The following C12orf76 variants were observed in gnomAD, a reference collection of about 807,000 sequenced individuals.
C12orf76 encodes uncharacterized protein C12orf76.
In C12orf76, 6 loss-of-function variants were observed where a neutral mutation model predicts 6.8. That is an observed-to-expected ratio of 0.88 (90% CI 0.48 to 1.73). The LOEUF is 1.73. Ranked by LOEUF, C12orf76 falls within the 40% of genes most tolerant of loss-of-function variation. C12orf76 has a pLI of 0.01. For missense variants in C12orf76, 99 were observed against 98.2 expected (o/e 1.01, Z -0.03); for synonymous variants, 56 against 43.7 (o/e 1.28, Z -1.11).
chr12:110,060,810 C>T (rs1260279615), intron 2 of C12orf76, among the ~76,000 whole-genome samples: 3 of 151,872 alleles, frequency 2.0e-5, no homozygotes, highest in Non-Finnish European at 4.4e-5. Context: ...CTGAGGTGGG[C>T]GGATCACCTG....
exon 3 of C12orf76, chr12:110,059,049 A>G (rs776883417): frequency 2.6e-5 from 40 of 1,551,634 alleles, no homozygotes; most frequent in Non-Finnish European, 3.3e-5. Context: ...CCAAGGTCAC[A>G]TGGTAAACAG....
chr12:110,043,741 A>G (rs1974706), intron 1 of C12orf76, among the ~76,000 whole-genome samples: 28,419 of 151,748 alleles, frequency 0.19, 4,893 homozygotes, highest in African/African-American at 0.46. Flanking sequence ...TGTAGTCCCA[A>G]CTACTCAGGA....
rs1345142145 is a variant in C12orf76, at chr12:110,054,522, T to G, written n.664+2667A>C. On this transcript the variant is annotated intron_variant and non_coding_transcript_variant, in intron 4 of 4. Coordinates refer to the C12orf76 transcript ENST00000309050. This position sits in a 1 kb window ranked among gnomAD's most constrained non-coding sequence, Gnocchi z 4.4. ...TAGGTAAATCCATAGAGACAGAGAGTAGATTGGTAGTTGCAGGGGACAGAG... is the reference window on the plus strand; with the variant it reads ...TAGGTAAATCCATAGAGACAGAGAGGAGATTGGTAGTTGCAGGGGACAGAG... 6.6e-6 allele frequency among the ~76,000 whole-genome samples: 1 copy of G among 151,404 alleles called. No individual in the cohort carries two copies. Among genetic ancestry groups the G allele is most frequent in the African/African-American group, 2.4e-5 (1 of 41,152 alleles).
At chr12:110,062,257 C>G (rs1231350377) in intron 2 of C12orf76, among the ~76,000 whole-genome samples, 1 of 152,118 alleles carries the variant, frequency 6.6e-6, no homozygotes, top group Non-Finnish European at 1.5e-5. Flanking sequence ...GAGTGAGACT[C>G]CATCTCCCAA....
chr12:110,072,948 C>CAAA (rs199763898), intron 1 of C12orf76, among the ~76,000 whole-genome samples: 1 of 100,416 alleles, frequency 1.0e-5, no homozygotes, highest in African/African-American at 3.5e-5. Context: ...GACTTCATCT[C>CAAA]AAAAAAAAAA....
At chr12:110,063,622 A>G (rs1892813923) in intron 2 of C12orf76, among the ~76,000 whole-genome samples, 1 of 146,724 alleles carries the variant, frequency 6.8e-6, no homozygotes. Context: ...TTATTTATTT[A>G]TTTATTTATT....
chr12:110,060,897 T>C (rs1892759977), intron 2 of C12orf76, among the ~76,000 whole-genome samples: 2 of 151,970 alleles, frequency 1.3e-5, no homozygotes, highest in Non-Finnish European at 2.9e-5. Flanking sequence ...TAGCCAGGTG[T>C]GGTGGCGGGC....
chr12:110,069,195 T>C (rs972840621), upstream of C12orf76, among the ~76,000 whole-genome samples: 2 of 152,032 alleles, frequency 1.3e-5, no homozygotes, highest in South Asian at 2.1e-4. Flanking sequence ...AATCCCAGCA[T>C]TTTGGGAGGC....
intron 2 of C12orf76, chr12:110,059,181 GCA>G (rs1323320554): frequency 2.0e-6 from 3 of 1,535,776 alleles, no homozygotes; most frequent in Non-Finnish European, 2.6e-6. Flanking sequence ...AAAAAAAAAT[GCA>G]CACACACAAT....
chr12:110,050,988 G>C, upstream of C12orf76: 1 of 761,908 alleles, frequency 1.3e-6, no homozygotes, highest in Middle Eastern at 2.3e-4. Context: ...AACACTACCA[G>C]GTGTTCACCT....
chr12:110,048,626 G>C, upstream of C12orf76: 1 of 1,298,214 alleles, frequency 7.7e-7, no homozygotes, highest in Non-Finnish European at 9.8e-7. Context: ...TGTGCGTCCT[G>C]GTCTAAGTTC....
chr12:110,059,170 T>TA (rs768731497), intron 2 of C12orf76: 185 of 1,513,334 alleles, frequency 1.2e-4, no homozygotes, highest in African/African-American at 2.2e-4. Context: ...CTTGCTGGTG[T>TA]AAAAAAAAAT....
upstream of C12orf76, chr12:110,051,332 A>G: frequency 2.9e-6 from 2 of 693,192 alleles, no homozygotes; most frequent in Non-Finnish European, 5.3e-6. Flanking sequence ...TACCTGCCTC[A>G]TGAATTGTGA....
At chr12:110,062,618 AAG>A (rs1892789025) in intron 2 of C12orf76, among the ~76,000 whole-genome samples, 1 of 147,640 alleles carries the variant, frequency 6.8e-6, no homozygotes, top group Non-Finnish European at 1.5e-5. Flanking sequence ...TATAGAAAAA[AAG>A]AGATTTTTTT....
intron 2 of C12orf76, among the ~76,000 whole-genome samples, chr12:110,065,201 C>T (rs1008490876): frequency 8.7e-5 from 13 of 150,152 alleles, no homozygotes; most frequent in African/African-American, 2.2e-4. Context: ...GACTGAGTCT[C>T]GCTGTATCAC....
chr12:110,042,500 G>T, intron 1 of C12orf76, 41 bp from the exon 2 acceptor site: 1 of 1,355,204 alleles, frequency 7.4e-7, no homozygotes, highest in Non-Finnish European at 1.1e-6. Context: ...GGCAGCTCCA[G>T]GTTAGGCAAT....
chr12:110,043,871 A>AAC (rs1555251400), intron 1 of C12orf76, among the ~76,000 whole-genome samples: 71 of 141,502 alleles, frequency 5.0e-4, no homozygotes, highest in African/African-American at 1.7e-3. Context: ...AAACAAAAAC[A>AAC]AAAAAAAAAA....
intron 2 of C12orf76, among the ~76,000 whole-genome samples, chr12:110,065,176 AT>A (rs977683622): frequency 9.1e-4 from 131 of 144,494 alleles, no homozygotes; most frequent in Middle Eastern, 3.5e-3. Flanking sequence ...ATATATACAC[AT>A]TTTTTTTTTT....
intron 1 of C12orf76, chr12:110,073,302 A>C (rs961678917): frequency 2.2e-6 from 1 of 446,280 alleles, no homozygotes; most frequent in African/African-American, 2.0e-5. Flanking sequence ...TTTGCTGTGA[A>C]AGCACGTCCA....
Sources: allele counts gnomAD v4.1 joint callset (sites outside exome capture counted in the v4.1 genomes callset), GRCh38; gene constraint gnomAD v4.1.1; non-coding constraint Gnocchi (gnomAD v3.1); transcripts MANE v1.5; gene names NCBI Gene and HGNC (gene_info 2026-07-23, HGNC 2026-07-21).